Variants in DLGAP2 observed in about 807,000 individuals in gnomAD.
The protein encoded by DLGAP2 is disks large-associated protein 2.
A neutral mutation model predicts 100.3 loss-of-function variants in DLGAP2; 26 were observed. The observed-to-expected ratio is 0.26, with a 90% confidence interval of 0.19 to 0.36. The LOEUF (loss-of-function observed/expected upper bound fraction) is 0.36, where lower values mean the gene tolerates loss of function less well. Ranked by LOEUF, DLGAP2 falls within the 10% of genes least tolerant of loss-of-function variation. The probability of loss-of-function intolerance (pLI) is 1.00; values close to 1 mark genes in which losing one functional copy is unlikely to be tolerated. For missense variants in DLGAP2, 1,858 were observed against 1,453.2 expected (o/e 1.28, Z -4.53); for synonymous variants, 886 against 630.1 (o/e 1.41, Z -6.08).
chr8:1,187,202 C>T (rs1224851900), intron 2 of DLGAP2, among the ~76,000 whole-genome samples: 1 of 152,140 alleles, frequency 6.6e-6, no homozygotes, highest in Admixed American at 6.5e-5. Flanking sequence ...TGTGACATTT[C>T]CCTCACGGAA....
chr8:1,318,520 T>G (rs144445167), intron 3 of DLGAP2, among the ~76,000 whole-genome samples: 218 of 150,882 alleles, frequency 1.4e-3, no homozygotes, highest in African/African-American at 5.1e-3. Flanking sequence ...TTCCTGACTT[T>G]GAAGTTTAGG....
At chr8:1,167,583 C>T (rs374353579) in intron 2 of DLGAP2, among the ~76,000 whole-genome samples, 1 of 152,130 alleles carries the variant, frequency 6.6e-6, no homozygotes, top group Non-Finnish European at 1.5e-5. Flanking sequence ...ATAAGTGGCC[C>T]ACATTGAGGT....
chr8:1,006,088 C>G (rs1801101137), intron 2 of DLGAP2, among the ~76,000 whole-genome samples: 1 of 152,120 alleles, frequency 6.6e-6, no homozygotes, highest in African/African-American at 2.4e-5. Flanking sequence ...ACTCGGGAGG[C>G]TGAGGCAGGA....
At chr8:1,408,070 C>T (rs1207934834) in intron 3 of DLGAP2, among the ~76,000 whole-genome samples, 1 of 152,218 alleles carries the variant, frequency 6.6e-6, no homozygotes, top group African/African-American at 2.4e-5. Context: ...GCCAAATGCC[C>T]CCCAGGGGAT....
intron 3 of DLGAP2, among the ~76,000 whole-genome samples, chr8:1,307,633 A>G (rs1800520434): frequency 6.6e-6 from 1 of 152,210 alleles, no homozygotes; most frequent in South Asian, 2.1e-4. Flanking sequence ...AGACACGTAA[A>G]TGGATGTATA....
chr8:1,691,490 G>T, intron 12 of DLGAP2, 45 bp from the exon 13 acceptor site: 1 of 1,544,864 alleles, frequency 6.5e-7, no homozygotes, highest in Non-Finnish European at 8.9e-7. Context: ...AATTGACCCA[G>T]TTTTGAAGTT....
At chr8:940,222 C>A (rs1215246310) in intron 2 of DLGAP2, among the ~76,000 whole-genome samples, 1 of 151,988 alleles carries the variant, frequency 6.6e-6, no homozygotes, top group East Asian at 1.9e-4. Flanking sequence ...TTCCATTTCA[C>A]CTTTAAAATT....
chr8:858,687 G>A (rs1248039122), intron 1 of DLGAP2, among the ~76,000 whole-genome samples: 1 of 151,592 alleles, frequency 6.6e-6, no homozygotes, highest in African/African-American at 2.4e-5. Context: ...GGGGACATGT[G>A]TGATGCTGTC....
chr8:981,804 T>G (rs543481203), intron 2 of DLGAP2, among the ~76,000 whole-genome samples: 1 of 152,356 alleles, frequency 6.6e-6, no homozygotes, highest in East Asian at 1.9e-4. Flanking sequence ...CTTTATATAT[T>G]GTGGATATTA....
At chr8:874,423 G>T (rs975073205) in intron 1 of DLGAP2, among the ~76,000 whole-genome samples, 1 of 152,056 alleles carries the variant, frequency 6.6e-6, no homozygotes, top group Admixed American at 6.6e-5. Flanking sequence ...TAACCTCAAA[G>T]TATTTTCTAA....
intron 12 of DLGAP2, among the ~76,000 whole-genome samples, 194 bp from the exon 13 acceptor site, chr8:1,691,341 A>T (rs1033897994): frequency 1.3e-5 from 2 of 152,208 alleles, no homozygotes; most frequent in African/African-American, 4.8e-5. Flanking sequence ...ACATCTGGTC[A>T]TCTCTGGATT....
chr8:869,874 G>A (rs1044185226), intron 1 of DLGAP2, among the ~76,000 whole-genome samples: 1 of 152,034 alleles, frequency 6.6e-6, no homozygotes. Flanking sequence ...CTCAGGAAAG[G>A]ACACATTCTG....
At chr8:1,131,930 T>C (rs1796303592) in intron 2 of DLGAP2, among the ~76,000 whole-genome samples, 1 of 152,240 alleles carries the variant, frequency 6.6e-6, no homozygotes, top group Admixed American at 6.5e-5. Context: ...AATGTTTGTA[T>C]CTTCATAAGT....
At chr8:747,165 C>A (rs1294858144) in intron 1 of DLGAP2, among the ~76,000 whole-genome samples, 1 of 152,010 alleles carries the variant, frequency 6.6e-6, no homozygotes, top group Non-Finnish European at 1.5e-5. Flanking sequence ...GTGTGAGGGG[C>A]TGCCGGGCAC....
chr8:1,230,606 C>A (rs534912401), intron 2 of DLGAP2, among the ~76,000 whole-genome samples: 6 of 152,312 alleles, frequency 3.9e-5, no homozygotes, highest in Non-Finnish European at 5.9e-5. Context: ...TGACTTCAAA[C>A]TGTACTATAA....
intron 3 of DLGAP2, among the ~76,000 whole-genome samples, chr8:1,434,294 T>C (rs532298260): frequency 1.2e-4 from 19 of 152,166 alleles, no homozygotes; most frequent in Admixed American, 1.2e-3. Context: ...ATGGGGTCCT[T>C]GAGTGACCCA....
chr8:1,092,450 C>T (rs1267168702), intron 2 of DLGAP2, among the ~76,000 whole-genome samples: 1 of 152,194 alleles, frequency 6.6e-6, no homozygotes, highest in Non-Finnish European at 1.5e-5. Flanking sequence ...CTTTCCCCTT[C>T]CTCTTTGCCC....
chr8:1,585,611 G>A (rs748484129), intron 6 of DLGAP2, among the ~76,000 whole-genome samples: 53 of 152,148 alleles, frequency 3.5e-4, no homozygotes, highest in Non-Finnish European at 5.0e-4. Flanking sequence ...TGCCATTGCA[G>A]GTGCAAACAA....
At chr8:1,531,441 G>A (rs892270082) in intron 4 of DLGAP2, among the ~76,000 whole-genome samples, 2 of 152,012 alleles carry the variant, frequency 1.3e-5, no homozygotes, top group African/African-American at 2.4e-5. Context: ...CTGTTAGTGA[G>A]GTTAGAATTT....
Sources: allele counts gnomAD v4.1 joint callset (sites outside exome capture counted in the v4.1 genomes callset), GRCh38; gene constraint gnomAD v4.1.1; transcripts MANE v1.5; gene names NCBI Gene and HGNC (gene_info 2026-07-23, HGNC 2026-07-21).